The following IGFBP7 variants were observed in gnomAD, a reference collection of about 807,000 sequenced individuals.
IGFBP7 encodes the protein insulin like growth factor binding protein 7, also known as insulin-like growth factor-binding protein 7.
IGFBP7 carries 31 observed loss-of-function variants against 29.4 expected under a neutral mutation model. The ratio of observed to expected loss-of-function variants is 1.05; its 90% confidence interval spans 0.79 to 1.42. The LOEUF is 1.42. Ranked by LOEUF, IGFBP7 falls within the 40% of genes most tolerant of loss-of-function variation. IGFBP7 has a pLI of 0.00. For missense variants in IGFBP7, 393 were observed against 395.5 expected, an observed-to-expected ratio of 0.99 and a Z score of 0.05; for synonymous variants, 172 against 174.9, an observed-to-expected ratio of 0.98 and a Z score of 0.13.
intron 1 of IGFBP7, among the ~76,000 whole-genome samples, chr4:57,051,666 C>T (rs1251301492): frequency 6.6e-6 from 1 of 152,068 alleles, no homozygotes; most frequent in Non-Finnish European, 1.5e-5. Flanking sequence ...GACTTTGGAG[C>T]GTGGACTTGG....
At chr4:57,074,361 T>TG (rs375321992) in intron 1 of IGFBP7, among the ~76,000 whole-genome samples, 15 of 152,244 alleles carry the variant, frequency 9.9e-5, no homozygotes, top group African/African-American at 3.6e-4. Flanking sequence ...TCGTCCGGCC[T>TG]GAAAATTTAC....
chr4:57,039,065 CAAAAAAAAAAAAA>C (rs71208974), intron 2 of IGFBP7, among the ~76,000 whole-genome samples: 1 of 106,456 alleles, frequency 9.4e-6, no homozygotes. Context: ...AACTATGTCT[CAAAAAAAAAAAAA>C]AAAAAAAAAA....
chr4:57,070,354 C>T (rs1344065063), intron 1 of IGFBP7, among the ~76,000 whole-genome samples: 1 of 152,198 alleles, frequency 6.6e-6, no homozygotes, highest in Non-Finnish European at 1.5e-5. Context: ...TCTACTTCCT[C>T]TATCCCGTCC....
intron 1 of IGFBP7, among the ~76,000 whole-genome samples, chr4:57,058,751 A>G (rs1269953292): frequency 2.0e-5 from 3 of 152,244 alleles, no homozygotes; most frequent in Non-Finnish European, 4.4e-5. Flanking sequence ...GACAAATGGG[A>G]CCTAATTAAA....
At position 57,057,880 on chromosome 4, in the gene IGFBP7, G is replaced by A. The variant is rs146278304; in HGVS notation, c.476-16947C>T. Among the ~76,000 whole-genome samples, 76 of 152,342 alleles carry A rather than the reference G, an allele frequency of 5.0e-4. No homozygotes were observed. In the South Asian group the frequency reaches 0.012, roughly 25 times the overall value. ...TGGGAAAGGGTTATGGTCTGAGCCAGTACATCAGCTGAACTGACACTTGAA... is the reference window on the plus strand; with the variant it reads ...TGGGAAAGGGTTATGGTCTGAGCCAATACATCAGCTGAACTGACACTTGAA... On this transcript the variant is annotated intron_variant, in intron 1 of 4. Coordinates refer to ENST00000295666, the MANE Select transcript of IGFBP7 (RefSeq NM_001553.3).
At chr4:57,105,907 A>ATTTTTTTTTTTTTTT (rs34995246) in intron 1 of IGFBP7, among the ~76,000 whole-genome samples, 1 of 135,822 alleles carries the variant, frequency 7.4e-6, no homozygotes, top group African/African-American at 2.8e-5. Flanking sequence ...CATTTTTTAA[A>ATTTTTTTTTTTTTTT]TTTTTTTTTT....
intron 1 of IGFBP7, among the ~76,000 whole-genome samples, chr4:57,080,740 C>T (rs974866522): frequency 2.0e-5 from 3 of 152,176 alleles, no homozygotes; most frequent in Admixed American, 1.3e-4. Flanking sequence ...AGAGAGAATA[C>T]TAGTCTTACT....
intron 1 of IGFBP7, among the ~76,000 whole-genome samples, chr4:57,092,137 G>A (rs1021499228): frequency 6.6e-6 from 1 of 152,050 alleles, no homozygotes; most frequent in African/African-American, 2.4e-5. Context: ...AGTTTTTCCC[G>A]TTTACATCTC....
chr4:57,068,652 G>T (rs1336937398), intron 1 of IGFBP7, among the ~76,000 whole-genome samples: 1 of 152,154 alleles, frequency 6.6e-6, no homozygotes, highest in Non-Finnish European at 1.5e-5. Flanking sequence ...TCAAAAGATG[G>T]GAACTGGCAC....
intron 1 of IGFBP7, among the ~76,000 whole-genome samples, chr4:57,107,475 G>T (rs1346887288): frequency 6.6e-6 from 1 of 152,218 alleles, no homozygotes; most frequent in Non-Finnish European, 1.5e-5. Context: ...ACTCTGTCCA[G>T]TTTGCTTCTA....
intron 1 of IGFBP7, among the ~76,000 whole-genome samples, chr4:57,090,577 T>C (rs927410742): frequency 1.3e-5 from 2 of 152,150 alleles, no homozygotes; most frequent in Admixed American, 6.5e-5. Flanking sequence ...TGGCTCACAC[T>C]TGTAATCCTA....
chr4:57,036,387 T>C (rs1446553407), intron 2 of IGFBP7, among the ~76,000 whole-genome samples: 2 of 152,180 alleles, frequency 1.3e-5, no homozygotes, highest in South Asian at 4.1e-4. Flanking sequence ...GAGGTCACTA[T>C]TTTTGATTAA....
intron 1 of IGFBP7, among the ~76,000 whole-genome samples, chr4:57,075,454 G>T (rs1316658671): frequency 3.3e-5 from 5 of 151,862 alleles, no homozygotes; most frequent in Admixed American, 6.6e-5. Context: ...GCCCCTGCAG[G>T]AGTGATCAAA....
At chr4:57,068,507 C>T (rs1724973221) in intron 1 of IGFBP7, among the ~76,000 whole-genome samples, 1 of 152,084 alleles carries the variant, frequency 6.6e-6, no homozygotes, top group African/African-American at 2.4e-5. Flanking sequence ...AGAAACACAT[C>T]AGTAACGGCA....
At chr4:57,099,170 C>T (rs981492899) in intron 1 of IGFBP7, among the ~76,000 whole-genome samples, 1 of 152,152 alleles carries the variant, frequency 6.6e-6, no homozygotes, top group Non-Finnish European at 1.5e-5. Context: ...AAAAGACAAA[C>T]CTCTGTAGAA....
At chr4:57,106,186 G>A (rs1321157341) in intron 1 of IGFBP7, among the ~76,000 whole-genome samples, 4 of 152,154 alleles carry the variant, frequency 2.6e-5, no homozygotes, top group Admixed American at 6.5e-5. Context: ...GATTACAGGC[G>A]TGAGCCATGG....
chr4:57,046,946 T>C (rs12644747), intron 1 of IGFBP7, among the ~76,000 whole-genome samples: 14,992 of 152,266 alleles, frequency 0.098, 827 homozygotes, highest in East Asian at 0.25. Context: ...CTCAACCCTC[T>C]AAATTCATTT....
At chr4:57,109,761 C>A (rs1726126168) in intron 1 of IGFBP7, 116 bp downstream of exon 1, 1 of 1,276,026 alleles carries the variant, frequency 7.8e-7, no homozygotes, top group Non-Finnish European at 1.0e-6. Flanking sequence ...TCCTGGGATG[C>A]CCGCGGGGGA....
chr4:57,033,417 C>G, intron 2 of IGFBP7, 106 bp from the exon 3 acceptor site: 1 of 795,124 alleles, frequency 1.3e-6, no homozygotes, highest in Non-Finnish European at 2.3e-6. Flanking sequence ...GACTTTCTAA[C>G]AGAGTAAACC....
Sources: allele counts gnomAD v4.1 joint callset (sites outside exome capture counted in the v4.1 genomes callset), GRCh38; gene constraint gnomAD v4.1.1; transcripts MANE v1.5; gene names NCBI Gene and HGNC (gene_info 2026-07-23, HGNC 2026-07-21).